SNX10: variants seen among roughly 807,000 people sequenced by gnomAD.
SNX10 encodes sorting nexin 10, also known as sorting nexin-10.
A neutral mutation model predicts 28.5 loss-of-function variants in SNX10; 25 were observed. That is an observed-to-expected ratio of 0.88 (90% CI 0.64 to 1.22). The LOEUF (loss-of-function observed/expected upper bound fraction) is 1.22. Among genes scored for constraint, SNX10 ranks in the 50% most tolerant of loss-of-function variants. The pLI, the probability that SNX10 is intolerant of heterozygous loss-of-function variation, is 0.00. For missense variants in SNX10, 223 were observed against 242.6 expected (o/e 0.92, Z 0.54); for synonymous variants, 62 against 81.4 (o/e 0.76, Z 1.28).
intron 5 of SNX10, among the ~76,000 whole-genome samples, chr7:26,370,101 C>T (rs1789458058): frequency 1.3e-5 from 2 of 152,166 alleles, no homozygotes; most frequent in Admixed American, 6.5e-5. Context: ...AACAAAGCCA[C>T]GAGTACAATC....
chr7:26,339,587 T>G (rs1788100812), intron 1 of SNX10, among the ~76,000 whole-genome samples: 1 of 146,560 alleles, frequency 6.8e-6, no homozygotes, highest in Non-Finnish European at 1.5e-5. Flanking sequence ...TGGAGTGCAG[T>G]GGCATGATCT....
chr7:26,338,550 C>T (rs1312600121), intron 1 of SNX10, among the ~76,000 whole-genome samples: 10 of 152,154 alleles, frequency 6.6e-5, no homozygotes, highest in South Asian at 2.1e-4. Flanking sequence ...TACAGGCGCC[C>T]GCCACCACAC....
At chr7:26,323,619 T>C (rs1787391358) in intron 1 of SNX10, among the ~76,000 whole-genome samples, 1 of 152,156 alleles carries the variant, frequency 6.6e-6, no homozygotes, top group Admixed American at 6.6e-5. Context: ...CGTTTATTTC[T>C]TTTGCAGTGG....
chr7:26,315,509 A>G (rs112011782), intron 1 of SNX10, among the ~76,000 whole-genome samples: 3,038 of 151,958 alleles, frequency 0.02, 102 homozygotes, highest in African/African-American at 0.067. Flanking sequence ...TCTACTAAAA[A>G]TACAAAAAAT....
intron 1 of SNX10, among the ~76,000 whole-genome samples, chr7:26,326,111 G>T (rs987147011): frequency 6.6e-6 from 1 of 152,146 alleles, no homozygotes; most frequent in African/African-American, 2.4e-5. Context: ...GGGTCAGGGT[G>T]CCGATATTTA....
intron 1 of SNX10, among the ~76,000 whole-genome samples, chr7:26,294,830 C>G (rs1786050863): frequency 6.6e-6 from 1 of 152,150 alleles, no homozygotes; most frequent in African/African-American, 2.4e-5. Context: ...GATGTGGAAA[C>G]TGAGGCACAA....
intron 5 of SNX10, among the ~76,000 whole-genome samples, chr7:26,369,744 A>G (rs1220534354): frequency 6.6e-6 from 1 of 152,212 alleles, no homozygotes; most frequent in Non-Finnish European, 1.5e-5. Flanking sequence ...TTGAGCAGAA[A>G]AAGAAAACGC....
Position 26,346,534 on chromosome 7 carries a change from T to C in SNX10, c.24+68T>C, listed in dbSNP as rs3801890. 442,610 of 1,217,994 alleles carry C rather than the reference T, an allele frequency of 0.36. 88,409 individuals carry two copies. The highest frequency in any genetic ancestry group is 0.64 in the African/African-American group (43,164 of 66,932). The allele number at this position is 1,217,994 out of a possible 1,614,324, so 75.4% of individuals were successfully genotyped here. ...GATTCACACAGGTTAGTTCTTCATT[T>C]GCGAACCATAAACCCATGGGTTGCT... is the stretch of plus-strand genomic sequence containing the variant. On this transcript the variant is annotated intron_variant, in intron 2 of 6. Coordinates refer to ENST00000338523, the MANE Select transcript of SNX10 (RefSeq NM_013322.3).
chr7:26,328,465 C>G (rs549754676), intron 1 of SNX10, among the ~76,000 whole-genome samples: 1 of 152,254 alleles, frequency 6.6e-6, no homozygotes, highest in African/African-American at 2.4e-5. Context: ...GCCAGTTCAC[C>G]CTCAAAGGCA....
chr7:26,326,949 C>CTT (rs34664332), intron 1 of SNX10, among the ~76,000 whole-genome samples: 24 of 119,788 alleles, frequency 2.0e-4, no homozygotes, highest in East Asian at 1.3e-3. Flanking sequence ...TGTTAATTAT[C>CTT]TTTTTTTTTT....
intron 1 of SNX10, among the ~76,000 whole-genome samples, chr7:26,308,473 C>T (rs1292020017): frequency 6.6e-6 from 1 of 152,056 alleles, no homozygotes; most frequent in African/African-American, 2.4e-5. Context: ...GCATGGTTGC[C>T]CCTGCTTCAG....
intron 1 of SNX10, among the ~76,000 whole-genome samples, chr7:26,304,678 T>C (rs1479850070): frequency 3.9e-5 from 6 of 152,198 alleles, no homozygotes; most frequent in African/African-American, 7.2e-5. Flanking sequence ...CCACATTTCA[T>C]TGGAAGAACT....
At chr7:26,297,658 C>T (rs1237594844) in intron 1 of SNX10, among the ~76,000 whole-genome samples, 3 of 152,134 alleles carry the variant, frequency 2.0e-5, no homozygotes, top group African/African-American at 7.2e-5. Flanking sequence ...CTTTCTTCCT[C>T]TGCAGGAAAC....
intron 1 of SNX10, among the ~76,000 whole-genome samples, chr7:26,321,799 G>A (rs1787320521): frequency 6.6e-6 from 1 of 151,906 alleles, no homozygotes; most frequent in Admixed American, 6.6e-5. Context: ...TTAAGAGATG[G>A]GGTCTTGCTG....
intron 1 of SNX10, among the ~76,000 whole-genome samples, chr7:26,343,347 C>T (rs926071075): frequency 6.6e-6 from 1 of 152,192 alleles, no homozygotes; most frequent in African/African-American, 2.4e-5. Flanking sequence ...CACTTGCACT[C>T]TTTCATAGTG....
intron 2 of SNX10, among the ~76,000 whole-genome samples, chr7:26,359,919 G>A (rs1210652303): frequency 1.3e-5 from 2 of 152,174 alleles, no homozygotes; most frequent in Non-Finnish European, 2.9e-5. Flanking sequence ...GCCTCCCAAA[G>A]TGCTGGGATT....
chr7:26,367,730 A>G (rs1267318518), intron 5 of SNX10, among the ~76,000 whole-genome samples: 1 of 152,100 alleles, frequency 6.6e-6, no homozygotes, highest in Admixed American at 6.5e-5. Flanking sequence ...GTACCTTGGC[A>G]CTGTGTCTTG....
At chr7:26,359,498 C>G (rs1300935331) in intron 2 of SNX10, among the ~76,000 whole-genome samples, 1 of 151,760 alleles carries the variant, frequency 6.6e-6, no homozygotes, top group Non-Finnish European at 1.5e-5. Flanking sequence ...CCAATCTTAT[C>G]AAAAAGCTCT....
At chr7:26,353,471 CAG>C (rs1788694790) in intron 2 of SNX10, among the ~76,000 whole-genome samples, 2 of 94,714 alleles carry the variant, frequency 2.1e-5, no homozygotes, top group Middle Eastern at 0.013. Flanking sequence ...GGTGGGGAGA[CAG>C]AGTCTTGGTC....
Sources: gnomAD v4.1 joint callset for allele counts (sites outside exome capture counted in the v4.1 genomes callset) on GRCh38, gnomAD v4.1.1 for gene constraint, MANE v1.5 for transcripts, NCBI Gene and HGNC (gene_info 2026-07-23, HGNC 2026-07-21) for gene names.